The following CDH12 variants were observed in gnomAD, a reference collection of about 807,000 sequenced individuals.
CDH12 encodes the protein cadherin-12.
CDH12 carries 41 observed loss-of-function variants against 74.1 expected under a neutral mutation model. That is an observed-to-expected ratio of 0.55 (90% CI 0.43 to 0.72). The LOEUF (loss-of-function observed/expected upper bound fraction) is 0.72. CDH12 is among the 30% of genes least tolerant of loss of function. CDH12 has a pLI of 0.00. For missense variants in CDH12, 945 were observed against 977.2 expected, an observed-to-expected ratio of 0.97 and a Z score of 0.44; for synonymous variants, 399 against 355.0, an observed-to-expected ratio of 1.12 and a Z score of -1.39.
At chr5:21,958,098 G>T (rs1430067799) in intron 6 of CDH12, among the ~76,000 whole-genome samples, 2 of 151,948 alleles carry the variant, frequency 1.3e-5, no homozygotes, top group African/African-American at 4.8e-5. Flanking sequence ...TTTTATGAGG[G>T]GCTCTTCCCA....
chr5:22,236,877 T>C (rs764869812), intron 3 of CDH12, among the ~76,000 whole-genome samples: 21 of 152,186 alleles, frequency 1.4e-4, no homozygotes, highest in Non-Finnish European at 1.9e-4. Context: ...GGCAGTAATA[T>C]GCATGGAGCC....
At chr5:22,525,140 C>T (rs1464371367) in intron 1 of CDH12, among the ~76,000 whole-genome samples, 2 of 152,086 alleles carry the variant, frequency 1.3e-5, no homozygotes, top group South Asian at 4.1e-4. Flanking sequence ...GACATGAACT[C>T]ATCATGTTTT....
At chr5:22,174,901 C>T (rs1236370701) in intron 4 of CDH12, among the ~76,000 whole-genome samples, 4 of 151,886 alleles carry the variant, frequency 2.6e-5, no homozygotes, top group Non-Finnish European at 5.9e-5. Flanking sequence ...AGAAATTTTG[C>T]TGTGCCAGGA....
chr5:22,241,215 T>A (rs1322003387), intron 3 of CDH12, among the ~76,000 whole-genome samples: 18 of 152,094 alleles, frequency 1.2e-4, no homozygotes, highest in Admixed American at 1.1e-3. Flanking sequence ...TATTTTTTAA[T>A]ATTTATGACA....
chr5:22,103,268 C>T (rs1461881700), intron 4 of CDH12, among the ~76,000 whole-genome samples: 2 of 152,060 alleles, frequency 1.3e-5, no homozygotes, highest in African/African-American at 4.8e-5. Context: ...TCTTCTTTCA[C>T]CCTGGCTCTG....
At chr5:22,270,606 T>A (rs74737881) in intron 3 of CDH12, among the ~76,000 whole-genome samples, 70,219 of 128,778 alleles carry the variant, frequency 0.55, 17,057 homozygotes, top group Admixed American at 0.59. Context: ...AAAAAAAAAA[T>A]ATATATATAT....
rs111872305 is a variant in CDH12 at position 22,172,927 on chromosome 5, A to G, written c.-187+39571T>C. Among the ~76,000 whole-genome samples, 315 of 151,652 alleles carry G rather than the reference A, an allele frequency of 2.1e-3. 1 individual carries two copies. Among genetic ancestry groups the G allele is most frequent in the African/African-American group, 7.3e-3 (303 of 41,460 alleles). On this transcript the variant is annotated intron_variant, in intron 4 of 14. Coordinates refer to ENST00000382254, the MANE Select transcript of CDH12 (RefSeq NM_004061.5). Reference sequence around the variant, plus strand: ...TTTGTAATTCTGAGGATGAACCACAACCCATCTTTTCTCAAACTCAAATAC... The same window carrying G: ...TTTGTAATTCTGAGGATGAACCACAGCCCATCTTTTCTCAAACTCAAATAC...
intron 1 of CDH12, chr5:22,638,923 C>G (rs946415553): frequency 1.3e-5 from 2 of 151,600 alleles, no homozygotes; most frequent in African/African-American, 4.9e-5. Context: ...TGATGGCGGG[C>G]GCCTGTAGTC....
chr5:21,893,961 T>C lies in CDH12; in HGVS notation c.527-39171A>G, dbSNP rs556364953. ...TTTTTTATTTTAATTAATTATTCGC[T>C]GAAGAAACCATTTACAGTATTTAAC... On this transcript the variant is annotated intron_variant, in intron 6 of 14. Coordinates refer to ENST00000382254, the MANE Select transcript of CDH12 (RefSeq NM_004061.5). Among the ~76,000 whole-genome samples, 6 of 152,292 alleles carry C rather than the reference T, an allele frequency of 3.9e-5. No homozygotes were observed. In the East Asian group the frequency reaches 1.2e-3, roughly 29 times the overall value.
intron 2 of CDH12, among the ~76,000 whole-genome samples, chr5:22,480,388 T>C (rs1445936623): frequency 6.6e-6 from 1 of 151,688 alleles, no homozygotes; most frequent in Non-Finnish European, 1.5e-5. Context: ...TTGGAGACCA[T>C]CCTGGGAAAC....
chr5:22,715,278 G>A (rs1309318556), intron 1 of CDH12, among the ~76,000 whole-genome samples: 1 of 152,168 alleles, frequency 6.6e-6, no homozygotes, highest in Non-Finnish European at 1.5e-5. Context: ...AGCTGTCTAA[G>A]CATATTTTAA....
intron 1 of CDH12, among the ~76,000 whole-genome samples, chr5:22,574,839 G>A (rs1001264274): frequency 6.6e-6 from 1 of 152,084 alleles, no homozygotes; most frequent in Non-Finnish European, 1.5e-5. Context: ...CCTAGAATGA[G>A]TGTACTTTGT....
intron 11 of CDH12, among the ~76,000 whole-genome samples, chr5:21,771,678 T>C (rs1480509150): frequency 1.3e-5 from 2 of 152,110 alleles, no homozygotes; most frequent in African/African-American, 4.8e-5. Context: ...TAAATGTCTC[T>C]TATCAGACCC....
At chr5:22,396,312 G>A (rs914445489) in intron 3 of CDH12, among the ~76,000 whole-genome samples, 1 of 152,036 alleles carries the variant, frequency 6.6e-6, no homozygotes, top group Non-Finnish European at 1.5e-5. Context: ...AAATCTGGCT[G>A]AATCAAAATT....
At chr5:22,318,673 C>G (rs1167021003) in intron 3 of CDH12, among the ~76,000 whole-genome samples, 1 of 152,182 alleles carries the variant, frequency 6.6e-6, no homozygotes, top group Non-Finnish European at 1.5e-5. Flanking sequence ...GATTTTCTTC[C>G]AGGGGCCCTG....
At chr5:21,983,342 T>C (rs937241641) in intron 5 of CDH12, among the ~76,000 whole-genome samples, 2 of 152,064 alleles carry the variant, frequency 1.3e-5, no homozygotes, top group Non-Finnish European at 2.9e-5. Flanking sequence ...AAACCAAGAG[T>C]GGACTTGGTA....
chr5:22,073,256 T>C (rs977920762), intron 5 of CDH12, among the ~76,000 whole-genome samples: 6 of 152,156 alleles, frequency 3.9e-5, no homozygotes, highest in Non-Finnish European at 8.8e-5. Context: ...TTTTTTGCCC[T>C]TTTAAACAGT....
chr5:21,944,048 T>A (rs777803159), intron 6 of CDH12, among the ~76,000 whole-genome samples: 22 of 152,188 alleles, frequency 1.4e-4, no homozygotes, highest in Non-Finnish European at 2.8e-4. Flanking sequence ...TTAGATCTAT[T>A]TATTCACAAT....
intron 6 of CDH12, among the ~76,000 whole-genome samples, chr5:21,965,568 T>TA (rs1756543228): frequency 6.6e-6 from 1 of 152,034 alleles, no homozygotes; most frequent in Admixed American, 6.6e-5. Context: ...TTCATTTTGT[T>TA]AATTATTTGT....
Sources: gnomAD v4.1 joint callset for allele counts (sites outside exome capture counted in the v4.1 genomes callset) on GRCh38, gnomAD v4.1.1 for gene constraint, MANE v1.5 for transcripts, NCBI Gene and HGNC (gene_info 2026-07-23, HGNC 2026-07-21) for gene names.